The following ANKS1B variants were observed in gnomAD, a reference collection of about 807,000 sequenced individuals.
ANKS1B encodes the protein ankyrin repeat and sterile alpha motif domain-containing protein 1B.
A neutral mutation model predicts 148.3 loss-of-function variants in ANKS1B; 36 were observed. The observed-to-expected ratio is 0.24, with a 90% CI of 0.19 to 0.32. The LOEUF is 0.32. Among genes scored for constraint, ANKS1B ranks in the 10% least tolerant of loss-of-function variants. The pLI, the probability that ANKS1B is intolerant of heterozygous loss-of-function variation, is 1.00. For missense variants in ANKS1B, 1,157 were observed against 1,542.6 expected (o/e 0.75, Z 4.19); for synonymous variants, 542 against 560.8 (o/e 0.97, Z 0.47).
intron 14 of ANKS1B, among the ~76,000 whole-genome samples, chr12:99,176,758 C>T (rs910461495): frequency 3.3e-5 from 5 of 152,082 alleles, no homozygotes; most frequent in African/African-American, 1.2e-4. Flanking sequence ...AATTATCTCT[C>T]TCTCGATCCC....
rs1163557880 is a variant in ANKS1B, at chr12:99,773,093, G to A, written c.962-5C>T. The A allele has an allele frequency of 1.9e-6, 3 of 1,588,500 alleles. No individual in the cohort carries two copies. The highest frequency in any genetic ancestry group is 1.2e-5 in the South Asian group (1 of 86,410). On this transcript the variant is annotated splice_region_variant and splice_polypyrimidine_tract_variant and intron_variant, in intron 7 of 26. Coordinates refer to ENST00000683438, the MANE Select transcript of ANKS1B (RefSeq NM_001352186.2). ...ATTCTCCAGTGACGGTTTCACCTAT[G>A]AGAATAATTTTTTCAGAAGTTTCAA...
At chr12:99,548,723 G>C (rs1197711154) in intron 9 of ANKS1B, among the ~76,000 whole-genome samples, 1 of 152,080 alleles carries the variant, frequency 6.6e-6, no homozygotes. Flanking sequence ...CTCTGGAAAA[G>C]ATAGTGCTCT....
At chr12:99,314,561 A>G (rs1302222336) in intron 12 of ANKS1B, among the ~76,000 whole-genome samples, 1 of 152,218 alleles carries the variant, frequency 6.6e-6, no homozygotes, top group Non-Finnish European at 1.5e-5. Flanking sequence ...TACTGGTACC[A>G]AAACAGACAC....
At chr12:99,560,106 A>C (rs1418464544) in intron 9 of ANKS1B, among the ~76,000 whole-genome samples, 1 of 152,162 alleles carries the variant, frequency 6.6e-6, no homozygotes, top group East Asian at 1.9e-4. Context: ...CACCTGGGGT[A>C]CTAATTTGGT....
intron 12 of ANKS1B, among the ~76,000 whole-genome samples, chr12:99,353,286 G>A (rs1242270476): frequency 1.3e-5 from 2 of 152,008 alleles, no homozygotes; most frequent in Non-Finnish European, 2.9e-5. Context: ...CTGTAAAACT[G>A]AGATAATACC....
chr12:99,124,280 T>G (rs1332928175), intron 15 of ANKS1B, among the ~76,000 whole-genome samples: 1 of 152,144 alleles, frequency 6.6e-6, no homozygotes, highest in Non-Finnish European at 1.5e-5. Context: ...ACTCTGGATG[T>G]TTTTAGAGGT....
At chr12:99,568,033 C>T (rs146540817) in intron 9 of ANKS1B, among the ~76,000 whole-genome samples, 20 of 152,312 alleles carry the variant, frequency 1.3e-4, no homozygotes, top group African/African-American at 4.8e-4. Context: ...AATGAGATTA[C>T]AGTCCTGTTG....
intron 15 of ANKS1B, among the ~76,000 whole-genome samples, chr12:99,109,943 G>A (rs1247947248): frequency 3.3e-5 from 5 of 152,148 alleles, no homozygotes; most frequent in Non-Finnish European, 4.4e-5. Flanking sequence ...GAAGGTAACC[G>A]TGGCCAAAAC....
At chr12:99,144,995 G>T (rs1392958409) in intron 15 of ANKS1B, among the ~76,000 whole-genome samples, 3 of 152,068 alleles carry the variant, frequency 2.0e-5, no homozygotes, top group Non-Finnish European at 4.4e-5. Flanking sequence ...ATAGCAAACT[G>T]ATATGAAGAC....
At chr12:99,537,638 C>G (rs952330111) in intron 9 of ANKS1B, among the ~76,000 whole-genome samples, 3 of 151,998 alleles carry the variant, frequency 2.0e-5, no homozygotes, top group African/African-American at 4.8e-5. Flanking sequence ...TTCGCACACT[C>G]TATATATTCT....
At chr12:98,950,314 T>A (rs1019976543) in intron 17 of ANKS1B, among the ~76,000 whole-genome samples, 4 of 152,220 alleles carry the variant, frequency 2.6e-5, no homozygotes, top group African/African-American at 9.6e-5. Context: ...CTGGCCAACA[T>A]GGTGAAACCC....
intron 9 of ANKS1B, among the ~76,000 whole-genome samples, chr12:99,592,106 C>T (rs1003951569): frequency 1.3e-5 from 2 of 152,064 alleles, no homozygotes; most frequent in African/African-American, 2.4e-5. Context: ...TTAAGACTGT[C>T]ATTCTGTTCA....
chr12:98,773,026 G>T lies in ANKS1B; in HGVS notation c.3579+16C>A. Reference sequence around the variant, plus strand: ...CTGCAAAGTCTTTAATCTGTTGAAAGGGGGTGGGTACTCACCACATCAAAG... The same window carrying T: ...CTGCAAAGTCTTTAATCTGTTGAAATGGGGTGGGTACTCACCACATCAAAG... On this transcript the variant is annotated intron_variant, in intron 25 of 26. Transcript: ENST00000683438. 1.2e-6 allele frequency: 2 copies of T among 1,613,666 alleles called. No individual in the cohort carries two copies. The highest frequency in any genetic ancestry group is 1.7e-6 in the Non-Finnish European group (2 of 1,179,752).
chr12:99,460,197 G>T (rs145613394), intron 10 of ANKS1B, among the ~76,000 whole-genome samples: 2 of 152,178 alleles, frequency 1.3e-5, no homozygotes, highest in East Asian at 3.9e-4. Flanking sequence ...ATGGTGCTGG[G>T]ATAATTGGCA....
intron 17 of ANKS1B, among the ~76,000 whole-genome samples, chr12:98,948,773 C>CG (rs201481068): frequency 0.012 from 1,712 of 147,946 alleles, 46 homozygotes; most frequent in African/African-American, 0.041. Flanking sequence ...CCACACCCCC[C>CG]CCCACACACA....
rs74422117 is a variant in ANKS1B, at chr12:99,012,250, C to T, written c.2778+40907G>A. On this transcript the variant is annotated intron_variant, in intron 17 of 26. Transcript: ENST00000683438. ...CAGATGTTATTTCATTTGAATCTTA[C>T]GATAAAAGCAATAAATAGACATGAG... Among the ~76,000 whole-genome samples, 383 of 152,192 alleles carry T rather than the reference C, an allele frequency of 2.5e-3. 11 individuals carry two copies. The East Asian group carries it at 0.044, about 18-fold the overall frequency.
intron 1 of ANKS1B, among the ~76,000 whole-genome samples, chr12:99,887,074 C>T (rs988669884): frequency 6.6e-6 from 1 of 152,176 alleles, no homozygotes; most frequent in African/African-American, 2.4e-5. Flanking sequence ...TAGCATCCTA[C>T]AGTGTAGGTA....
intron 1 of ANKS1B, among the ~76,000 whole-genome samples, chr12:99,913,524 C>T (rs1242080580): frequency 6.6e-6 from 1 of 151,976 alleles, no homozygotes; most frequent in Non-Finnish European, 1.5e-5. Context: ...TCTTTCATCA[C>T]GCTAACAAGA....
chr12:99,628,022 A>G (rs1398464067), intron 9 of ANKS1B, among the ~76,000 whole-genome samples: 1 of 152,164 alleles, frequency 6.6e-6, no homozygotes, highest in East Asian at 1.9e-4. Context: ...AGGTGATTTC[A>G]TCGTTGTATC....
Sources: gnomAD v4.1 joint callset for allele counts (sites outside exome capture counted in the v4.1 genomes callset) on GRCh38, gnomAD v4.1.1 for gene constraint, MANE v1.5 for transcripts, NCBI Gene and HGNC (gene_info 2026-07-23, HGNC 2026-07-21) for gene names.